MMP26: variants seen among roughly 807,000 people sequenced by gnomAD.
The protein encoded by MMP26 is matrix metalloproteinase-26.
Under a neutral mutation model 31.0 loss-of-function variants are expected in MMP26, and 33 were observed. That is an observed-to-expected ratio of 1.06 (90% confidence interval 0.81 to 1.42). The LOEUF (loss-of-function observed/expected upper bound fraction) is 1.42. Ranked by LOEUF, MMP26 falls within the 40% of genes most tolerant of loss-of-function variation. The pLI is 0.00. For missense variants in MMP26, 347 were observed against 316.1 expected, an observed-to-expected ratio of 1.10 and a Z score of -0.74; for synonymous variants, 122 against 114.9, an observed-to-expected ratio of 1.06 and a Z score of -0.40.
chr11:4,893,841 A>C (rs1850662731), intron 2 of MMP26, among the ~76,000 whole-genome samples: 1 of 152,070 alleles, frequency 6.6e-6, no homozygotes, highest in Non-Finnish European at 1.5e-5. Flanking sequence ...GTAAGCCATC[A>C]CACCTGTAAG....
chr11:4,773,204 T>C (rs1213233820), intron 2 of MMP26, among the ~76,000 whole-genome samples: 1 of 152,206 alleles, frequency 6.6e-6, no homozygotes, highest in Non-Finnish European at 1.5e-5. Context: ...TCCTCTGCTG[T>C]TGAGTGTGGG....
chr11:4,801,151 T>C (rs535203621), intron 2 of MMP26, among the ~76,000 whole-genome samples: 52 of 152,318 alleles, frequency 3.4e-4, no homozygotes, highest in Non-Finnish European at 6.8e-4. Flanking sequence ...AACTTTCCCT[T>C]GTCTTCCTGT....
chr11:4,721,544 A>G (rs1429727308), intron 1 of MMP26, among the ~76,000 whole-genome samples: 3 of 151,408 alleles, frequency 2.0e-5, no homozygotes, highest in African/African-American at 7.3e-5. Flanking sequence ...GCTTTCAAGG[A>G]CTCTTTGTCT....
At chr11:4,719,265 G>A (rs1847978299) in intron 1 of MMP26, 1 of 153,896 alleles carries the variant, frequency 6.5e-6, no homozygotes, top group Non-Finnish European at 1.5e-5. Flanking sequence ...TTATTGTCCT[G>A]TCTTATATTT....
At chr11:4,709,873 A>T (rs1847835833) in intron 1 of MMP26, 1 of 456,878 alleles carries the variant, frequency 2.2e-6, no homozygotes, top group Admixed American at 2.3e-5. Context: ...TGCATTGGCC[A>T]AATGTTCTTT....
intron 2 of MMP26, among the ~76,000 whole-genome samples, chr11:4,941,288 C>T (rs1488193537): frequency 6.6e-6 from 1 of 152,188 alleles, no homozygotes; most frequent in Non-Finnish European, 1.5e-5. Context: ...TATAGCCAGC[C>T]TGTCTTTTCA....
chr11:4,907,831 C>G (rs10500627), intron 2 of MMP26: 159,709 of 1,613,484 alleles, frequency 0.099, 13,789 homozygotes, highest in East Asian at 0.57. Context: ...GGAGCATTCT[C>G]TTAGTGATTC....
At chr11:4,970,844 T>C (rs1408934956) in intron 2 of MMP26, among the ~76,000 whole-genome samples, 1 of 152,142 alleles carries the variant, frequency 6.6e-6, no homozygotes, top group African/African-American at 2.4e-5. Context: ...AGGCCCTAGA[T>C]GGGCTGATTC....
chr11:4,893,534 C>T (rs1276764758), intron 2 of MMP26, among the ~76,000 whole-genome samples: 3 of 152,152 alleles, frequency 2.0e-5, no homozygotes, highest in Non-Finnish European at 4.4e-5. Context: ...GAAAGGTCTG[C>T]TTTGAACACC....
intron 2 of MMP26, among the ~76,000 whole-genome samples, chr11:4,901,686 G>A (rs2442407): frequency 1 from 151,952 of 152,198 alleles, 75,855 homozygotes; most frequent in Middle Eastern, 1. Context: ...TTCCTATACC[G>A]CAGGATCCCT....
At chr11:4,907,348 A>G in intron 2 of MMP26, 1 of 1,504,120 alleles carries the variant, frequency 6.6e-7, no homozygotes, top group South Asian at 1.1e-5. Flanking sequence ...GATCCGGCTA[A>G]CGAGCTCATA....
chr11:4,912,883 C>G (rs1377616532), intron 2 of MMP26: 2 of 151,840 alleles, frequency 1.3e-5, no homozygotes, highest in Non-Finnish European at 2.9e-5. Flanking sequence ...TTCTCTTACA[C>G]AAAAACCTCA....
At chr11:4,749,751 C>T (rs991970275) in intron 1 of MMP26, among the ~76,000 whole-genome samples, 2 of 152,058 alleles carry the variant, frequency 1.3e-5, no homozygotes, top group Non-Finnish European at 2.9e-5. Flanking sequence ...ATCTGGACAC[C>T]TATCTCTCAC....
At chr11:4,905,539 T>C (rs1221389890) in intron 2 of MMP26, among the ~76,000 whole-genome samples, 1 of 152,156 alleles carries the variant, frequency 6.6e-6, no homozygotes, top group African/African-American at 2.4e-5. Context: ...GGTTGATGAC[T>C]TTTTTCTCTT....
chr11:4,821,813 C>T lies in MMP26; in HGVS notation c.-145+54472C>T, dbSNP rs756832874. On this transcript the variant is annotated intron_variant, in intron 2 of 7. Transcript: ENST00000380390. ...GATCGTTTTGTGGCCATCTGTTACC[C>T]ACTGAGATACACTACCATCCTTACC... 2.6e-5 allele frequency: 42 copies of T among 1,612,636 alleles called. No individual in the cohort carries two copies. The highest frequency in any genetic ancestry group is 3.3e-5 in the Admixed American group (2 of 59,952).
chr11:4,837,296 C>T (rs915736548), intron 2 of MMP26, among the ~76,000 whole-genome samples: 5 of 152,168 alleles, frequency 3.3e-5, no homozygotes, highest in African/African-American at 9.7e-5. Context: ...CAGCCTCCTC[C>T]TCCTTGGCTC....
chr11:4,805,598 A>G (rs1849256668), intron 2 of MMP26, among the ~76,000 whole-genome samples: 1 of 152,224 alleles, frequency 6.6e-6, no homozygotes, highest in African/African-American at 2.4e-5. Flanking sequence ...CACTATCTCT[A>G]GCATCTCTGT....
rs1407518392 is a variant in MMP26, at chr11:4,896,009, C to T, written c.-144-92059C>T. ...GTCTCCTCTTGTCTGGCAAAGATAA[C>T]TCCAAGATAAGCTTCCTGCACTTCC... is the stretch of plus-strand genomic sequence containing the variant. On this transcript the variant is annotated intron_variant, in intron 2 of 7. Transcript: ENST00000380390. Among the ~76,000 whole-genome samples the T allele has an allele frequency of 2.0e-5, 3 of 152,104 alleles. No individual in the cohort carries two copies. In the East Asian group the frequency reaches 5.8e-4, roughly 30 times the overall value.
At chr11:4,776,084 A>C (rs1848787786) in intron 2 of MMP26, among the ~76,000 whole-genome samples, 1 of 152,094 alleles carries the variant, frequency 6.6e-6, no homozygotes, top group African/African-American at 2.4e-5. Flanking sequence ...TCTTAAGATC[A>C]TGGCCTCCAG....
Sources: allele counts gnomAD v4.1 joint callset (sites outside exome capture counted in the v4.1 genomes callset), GRCh38; gene constraint gnomAD v4.1.1; transcripts MANE v1.5; gene names NCBI Gene and HGNC (gene_info 2026-07-23, HGNC 2026-07-21).